GALK2: variants seen among roughly 807,000 people sequenced by gnomAD.
GALK2 encodes N-acetylgalactosamine kinase.
In GALK2, 36 loss-of-function variants were observed where a neutral mutation model predicts 52.4. The observed-to-expected ratio is 0.69, with a 90% CI of 0.53 to 0.91. GALK2 has a LOEUF of 0.91. GALK2 is among the 40% of genes least tolerant of loss of function. The pLI, the probability that GALK2 is intolerant of heterozygous loss-of-function variation, is 0.00. For missense variants in GALK2, 579 were observed against 559.1 expected, an observed-to-expected ratio of 1.04 and a Z score of -0.36; for synonymous variants, 176 against 199.1, an observed-to-expected ratio of 0.88 and a Z score of 0.98.
intron 2 of GALK2, among the ~76,000 whole-genome samples, chr15:49,211,382 CA>C: frequency 1.3e-5 from 2 of 152,282 alleles, no homozygotes; most frequent in East Asian, 3.9e-4. Flanking sequence ...AACCATTCAA[CA>C]AGTTTCTTGG....
chr15:49,293,964 G>A (rs1305163727), intron 8 of GALK2, among the ~76,000 whole-genome samples: 3 of 151,966 alleles, frequency 2.0e-5, no homozygotes, highest in African/African-American at 7.3e-5. Context: ...GCCAGGCATG[G>A]TGGCAAGCAC....
In GALK2 at chr15:49,244,456, A is replaced by C. The variant is rs535912292; in HGVS notation, c.504+5089A>C. Among the ~76,000 whole-genome samples, 12 of 152,338 alleles carry C rather than the reference A, an allele frequency of 7.9e-5. No individual in the cohort carries two copies. The South Asian group carries it at 2.5e-3, about 32-fold the overall frequency. On this transcript the variant is annotated intron_variant, in intron 5 of 9. Coordinates refer to ENST00000560031, the MANE Select transcript of GALK2 (RefSeq NM_002044.4). ...AAAGAAATCATAATCAAAGGATCAG[A>C]AATGTAAATTAATTTCTCAAAAACA...
At chr15:49,260,133 C>T (rs1033757768) in intron 5 of GALK2, among the ~76,000 whole-genome samples, 2 of 152,084 alleles carry the variant, frequency 1.3e-5, no homozygotes, top group African/African-American at 4.8e-5. Flanking sequence ...ATTTCTAGTT[C>T]TAGATCCCTG....
chr15:49,189,593 A>G (rs1206700245), intron 1 of GALK2, among the ~76,000 whole-genome samples: 1 of 152,214 alleles, frequency 6.6e-6, no homozygotes. Context: ...ACAGTATGCC[A>G]ACATCACTAC....
At chr15:49,228,912 C>T (rs1042337340) in intron 3 of GALK2, among the ~76,000 whole-genome samples, 1 of 151,406 alleles carries the variant, frequency 6.6e-6, no homozygotes, top group African/African-American at 2.4e-5. Context: ...ATGGGCTGGT[C>T]TCAAACTGCT....
At chr15:49,340,413 T>TC (rs1185588384) in intron 3 of GALK2, among the ~76,000 whole-genome samples, 2,406 of 64,460 alleles carry the variant, frequency 0.037, 25 homozygotes, top group Middle Eastern at 0.049. Flanking sequence ...GCCCCCCCCC[T>TC]CCCCCCCCCG....
chr15:49,286,764 C>G (rs771587504), intron 7 of GALK2, among the ~76,000 whole-genome samples: 2 of 152,072 alleles, frequency 1.3e-5, no homozygotes, highest in Non-Finnish European at 2.9e-5. Context: ...CTTCCTTTTT[C>G]AGGAGATGGA....
intron 3 of GALK2, chr15:49,366,279 G>A (rs994239996): frequency 2.5e-6 from 2 of 787,038 alleles, no homozygotes; most frequent in Non-Finnish European, 4.7e-6. Context: ...AATGCAATCA[G>A]TATTTTCACA....
intron 2 of GALK2, among the ~76,000 whole-genome samples, chr15:49,204,579 T>A (rs962031227): frequency 2.0e-5 from 3 of 151,856 alleles, no homozygotes; most frequent in Non-Finnish European, 4.4e-5. Context: ...TAGATATTCA[T>A]TTTTTTTAGC....
At chr15:49,307,200 A>G (rs1394602322) in intron 8 of GALK2, among the ~76,000 whole-genome samples, 7 of 152,066 alleles carry the variant, frequency 4.6e-5, no homozygotes, top group Non-Finnish European at 8.8e-5. Context: ...TCATTCTGGT[A>G]CTCTGCATGC....
At chr15:49,300,661 T>C (rs760637277) in intron 8 of GALK2, among the ~76,000 whole-genome samples, 11 of 152,098 alleles carry the variant, frequency 7.2e-5, no homozygotes, top group Admixed American at 2.0e-4. Flanking sequence ...GCTGTTTTCA[T>C]GATTGTGAGT....
At chr15:49,294,745 A>C (rs2002631231) in intron 8 of GALK2, among the ~76,000 whole-genome samples, 1 of 152,204 alleles carries the variant, frequency 6.6e-6, no homozygotes, top group Non-Finnish European at 1.5e-5. Flanking sequence ...TACCTGCTAT[A>C]ATAAAGGTAT....
intron 5 of GALK2, among the ~76,000 whole-genome samples, chr15:49,248,466 C>G (rs1056449912): frequency 6.6e-6 from 1 of 152,104 alleles, no homozygotes; most frequent in African/African-American, 2.4e-5. Flanking sequence ...ATCCAGAATA[C>G]AAGCTTTGAA....
chr15:49,235,759 G>T (rs1042033224), intron 3 of GALK2, 92 bp from the exon 4 acceptor site: 3 of 825,990 alleles, frequency 3.6e-6, no homozygotes, highest in African/African-American at 1.7e-5. Flanking sequence ...AGTCAGTATC[G>T]CTGTGTTGGC....
intron 3 of GALK2, among the ~76,000 whole-genome samples, chr15:49,361,328 C>T (rs1737251278): frequency 6.6e-6 from 1 of 151,886 alleles, no homozygotes; most frequent in Non-Finnish European, 1.5e-5. Context: ...ATTTGTTGTA[C>T]TGATTATTTC....
Position 49,365,611 on chromosome 15 carries a change from G to A in GALK2, c.427-1880G>A. 13 of 1,097,610 alleles carry A rather than the reference G, an allele frequency of 1.2e-5. No individual in the cohort carries two copies. The South Asian group carries it at 1.4e-4, about 12-fold the overall frequency. The allele number at this position is 1,097,610 out of a possible 1,614,324, so 68.0% of individuals were successfully genotyped here. A position where few individuals can be genotyped will look rare whatever the true frequency, so the allele number is the denominator to read the frequency against. The stretch of plus-strand genomic sequence containing the variant: ...CTCACCATTCTTTGTGATGAATGGT[G>A]TTATGAAAACAAAAAATACATCATA... On this transcript the variant is annotated intron_variant, in intron 3 of 3. Transcript: ENST00000558399.
intron 5 of GALK2, among the ~76,000 whole-genome samples, chr15:49,275,761 A>G (rs1273307686): frequency 6.6e-6 from 1 of 152,220 alleles, no homozygotes; most frequent in Non-Finnish European, 1.5e-5. Context: ...TTAGCGAGGC[A>G]TAACATTCAT....
At chr15:49,265,733 C>A (rs2092337220) in intron 5 of GALK2, among the ~76,000 whole-genome samples, 1 of 152,104 alleles carries the variant, frequency 6.6e-6, no homozygotes. Context: ...CCAGTAGTTC[C>A]ATGTTTTTTT....
At chr15:49,186,356 G>A (rs1369841544) in intron 1 of GALK2, among the ~76,000 whole-genome samples, 1 of 151,670 alleles carries the variant, frequency 6.6e-6, no homozygotes, top group Non-Finnish European at 1.5e-5. Flanking sequence ...CTGTCTTCAA[G>A]CTCACTAATT....
Sources: allele counts gnomAD v4.1 joint callset (sites outside exome capture counted in the v4.1 genomes callset), GRCh38; gene constraint gnomAD v4.1.1; transcripts MANE v1.5; gene names NCBI Gene and HGNC (gene_info 2026-07-23, HGNC 2026-07-21).